Variants in PCDHGB1 observed in about 807,000 individuals in gnomAD.
PCDHGB1 encodes protocadherin gamma subfamily B, 1.
In PCDHGB1, 34 loss-of-function variants were observed where a neutral mutation model predicts 56.6. The ratio of observed to expected loss-of-function variants is 0.60; its 90% CI spans 0.46 to 0.80. The LOEUF is 0.80. PCDHGB1 is among the 30% of genes least tolerant of loss of function. PCDHGB1 has a pLI of 0.00. For missense variants in PCDHGB1, 1,278 were observed against 1,204.6 expected, an observed-to-expected ratio of 1.06 and a Z score of -0.90; for synonymous variants, 561 against 505.9, an observed-to-expected ratio of 1.11 and a Z score of -1.46.
intron 1 of PCDHGB1, chr5:141,415,979 C>T (rs2095978015): frequency 2.8e-6 from 1 of 351,190 alleles, no homozygotes; most frequent in Middle Eastern, 8.3e-4. Flanking sequence ...TTAAGCAACC[C>T]TCTTGTTCTG....
intron 1 of PCDHGB1, chr5:141,400,391 C>T (rs1468153713): frequency 1.2e-6 from 2 of 1,614,076 alleles, no homozygotes; most frequent in Non-Finnish European, 1.7e-6. Flanking sequence ...GTTGCACATA[C>T]AGGAAAGACG....
intron 1 of PCDHGB1, chr5:141,383,523 C>A (rs1337208290): frequency 1.2e-6 from 2 of 1,612,324 alleles, no homozygotes; most frequent in African/African-American, 2.7e-5. Flanking sequence ...AGCGGGTTCA[C>A]CACCTGGTCC....
At chr5:141,423,140 C>T (rs760216287) in intron 1 of PCDHGB1, 7 of 1,613,498 alleles carry the variant, frequency 4.3e-6, no homozygotes, top group Non-Finnish European at 2.5e-6. Flanking sequence ...GACAGAGACG[C>T]GCTCAAGCAG....
intron 1 of PCDHGB1, chr5:141,414,753 T>A: frequency 6.2e-7 from 1 of 1,614,202 alleles, no homozygotes; most frequent in Non-Finnish European, 8.5e-7. Flanking sequence ...CCTTCGACTA[T>A]GAGCAGTTTC....
In PCDHGB1 at chr5:141,352,422, G is replaced by C. The variant is rs191134866; in HGVS notation, c.2162G>C (p.Gly721Ala). Reference protein sequence around the residue: ...LRRSSSLDTEGCFQTGLCSKS... With the variant: ...LRRSSSLDTEACFQTGLCSKS... ...CGTTCCTCCAGCCTCGACACTGAGG[G>C]CTGCTTTCAAACCGGTCTCTGCTCC... The change falls in exon 1 of 4, where the codon GGC becomes GCC. Residue 721 changes from glycine to alanine, a missense_variant. Coordinates refer to ENST00000523390, the MANE Select transcript of PCDHGB1 (RefSeq NM_018922.3). 3 of 1,613,936 alleles carry C rather than the reference G, an allele frequency of 1.9e-6. No individual in the cohort carries two copies.
rs887814386 is a variant in PCDHGB1, at chr5:141,431,347, G to A, written c.2410-63460G>A. The A allele has an allele frequency of 1.9e-6, 3 of 1,614,098 alleles. No individual in the cohort carries two copies. The highest frequency in any genetic ancestry group is 2.5e-6 in the Non-Finnish European group (3 of 1,180,036). On this transcript the variant is annotated intron_variant, in intron 1 of 3. Coordinates refer to ENST00000523390, the MANE Select transcript of PCDHGB1 (RefSeq NM_018922.3). This position sits in a 1 kb window ranked among gnomAD's most constrained non-coding sequence, Gnocchi z 4.8. ...GTAGTAAGTACCCCGAATTGGTGCT[G>A]AAACGCGCCCTGGACCGCGAAGAAA...
chr5:141,475,577 T>C (rs2099365697), intron 1 of PCDHGB1, among the ~76,000 whole-genome samples: 1 of 152,228 alleles, frequency 6.6e-6, no homozygotes, highest in Non-Finnish European at 1.5e-5. Context: ...ACAAGCCAGA[T>C]TTGTTGGTGT....
chr5:141,455,093 T>C (rs2098812615), intron 1 of PCDHGB1, among the ~76,000 whole-genome samples: 1 of 152,060 alleles, frequency 6.6e-6, no homozygotes, highest in African/African-American at 2.4e-5. Context: ...ATTACAGGCT[T>C]GAGCCACTGC....
intron 1 of PCDHGB1, chr5:141,423,339 C>T (rs1393650718): frequency 6.2e-7 from 1 of 1,614,072 alleles, no homozygotes; most frequent in Non-Finnish European, 8.5e-7. Flanking sequence ...TCTCCTGCAT[C>T]TTCCTGGTCT....
At position 141,431,303 on chromosome 5, in the gene PCDHGB1, G is replaced by T. The variant is rs777784010; in HGVS notation, c.2410-63504G>T. The T allele has an allele frequency of 1.2e-6, 2 of 1,614,060 alleles. No homozygotes were observed. Among genetic ancestry groups the T allele is most frequent in the Non-Finnish European group, 1.7e-6 (2 of 1,180,038 alleles). On this transcript the variant is annotated intron_variant, in intron 1 of 3. Coordinates refer to ENST00000523390, the MANE Select transcript of PCDHGB1 (RefSeq NM_018922.3). The surrounding 1 kb of genome is among the most constrained non-coding windows in gnomAD (Gnocchi z 4.8). ...CCCGAACACTCACTTCTCCCTCATC[G>T]TGCAAAATGGAGCCGACGGTAGTAA...
At chr5:141,484,873 G>A (rs754469397) in intron 1 of PCDHGB1, 50 of 322,006 alleles carry the variant, frequency 1.6e-4, no homozygotes, top group Non-Finnish European at 2.5e-4. Flanking sequence ...GAGCGTGGAG[G>A]ATAGGGTGGG....
At position 141,350,652 on chromosome 5, in the gene PCDHGB1, T is replaced by G. The variant is rs755738484; in HGVS notation, c.392T>G (p.Val131Gly). ...QDINDNAPRF[V>G]AKGIDLEICE... is the part of the protein sequence containing the mutation. Reference sequence around the variant, plus strand: ...ATTAATGACAATGCACCACGTTTCGTTGCAAAAGGCATTGACTTAGAAATT... The same window carrying G: ...ATTAATGACAATGCACCACGTTTCGGTGCAAAAGGCATTGACTTAGAAATT... The change falls in exon 1 of 4, where the codon GTT becomes GGT. Residue 131 changes from valine (V) to glycine (G), a missense_variant. Coordinates refer to ENST00000523390, the MANE Select transcript of PCDHGB1 (RefSeq NM_018922.3). 4.3e-6 allele frequency: 7 copies of G among 1,614,044 alleles called. No homozygotes were observed. In the South Asian group the frequency reaches 6.6e-5, roughly 15 times the overall value.
At chr5:141,482,116 T>C (rs1017195289) in intron 1 of PCDHGB1, among the ~76,000 whole-genome samples, 4 of 150,222 alleles carry the variant, frequency 2.7e-5, no homozygotes, top group South Asian at 2.1e-4. Context: ...TATCTAGAGA[T>C]GGGAGAATCA....
rs1160156030 is a variant in PCDHGB1 at position 141,477,238 on chromosome 5, C to T, written c.2410-17569C>T. 20 of 1,614,094 alleles carry T rather than the reference C, an allele frequency of 1.2e-5. No individual in the cohort carries two copies. The highest frequency in any genetic ancestry group is 5.0e-5 in the Admixed American group (3 of 60,006). The stretch of plus-strand genomic sequence containing the variant: ...CTCTGGGGACTGTCATCGCTTTGCT[C>T]AGTGTGACTGACCTGGATGCTGGCG... On this transcript the variant is annotated intron_variant, in intron 1 of 3. Transcript: ENST00000523390. This position sits in a 1 kb window ranked among gnomAD's most constrained non-coding sequence, Gnocchi z 4.9.
intron 1 of PCDHGB1, chr5:141,410,854 T>C: frequency 2.6e-6 from 1 of 387,418 alleles, no homozygotes; most frequent in Non-Finnish European, 4.2e-6. Flanking sequence ...TTTGTCTTTT[T>C]TTTTTTTTTT....
At position 141,486,905 on chromosome 5, in the gene PCDHGB1, C is replaced by G. The variant is rs1463391292; in HGVS notation, c.2410-7902C>G. On this transcript the variant is annotated intron_variant, in intron 1 of 3. Coordinates refer to ENST00000523390, the MANE Select transcript of PCDHGB1 (RefSeq NM_018922.3). This position sits in a 1 kb window ranked among gnomAD's most constrained non-coding sequence, Gnocchi z 5.0. ...GGCCCGGCCTGGTTCCTTATGTCCC[C>G]AAGCACTGCCTCCATCAGTTGGTGC... 1 of 1,614,250 alleles carries G rather than the reference C, an allele frequency of 6.2e-7. No individual in the cohort carries two copies. The highest frequency in any genetic ancestry group is 1.3e-5 in the African/African-American group (1 of 75,066).
chr5:141,413,453 G>A lies in PCDHGB1; in HGVS notation c.2409+60784G>A, dbSNP rs761986113. 1.9e-5 allele frequency: 31 copies of A among 1,613,986 alleles called. 2 individuals carry two copies. In the South Asian group the frequency reaches 3.1e-4, roughly 16 times the overall value. On this transcript the variant is annotated intron_variant, in intron 1 of 3. Coordinates refer to ENST00000523390, the MANE Select transcript of PCDHGB1 (RefSeq NM_018922.3). ...AGCGGCAGCTTGATCACCGCGGGCA[G>A]GATAGACCGGGAGGAGCTCTGCGCT...
chr5:141,385,363 T>G lies in PCDHGB1; in HGVS notation c.2409+32694T>G, dbSNP rs533363868. The G allele has an allele frequency of 5.7e-5, 88 of 1,539,980 alleles. No individual in the cohort carries two copies. The South Asian group carries it at 1.1e-3, about 19-fold the overall frequency. The stretch of plus-strand genomic sequence containing the variant: ...TCCTTTATTTCCATGAGGAATTTAT[T>G]TGCATGATATTTCTCTATTATTTTG... On this transcript the variant is annotated intron_variant, in intron 1 of 3. Transcript: ENST00000523390.
intron 1 of PCDHGB1, 91 bp downstream of exon 1, chr5:141,352,760 C>A (rs1759103494): frequency 7.6e-7 from 1 of 1,314,650 alleles, no homozygotes; most frequent in South Asian, 1.4e-5. Context: ...CAGGCTGAGG[C>A]AGGTGGATCA....
Sources: gnomAD v4.1 joint callset for allele counts (sites outside exome capture counted in the v4.1 genomes callset) on GRCh38, gnomAD v4.1.1 for gene constraint, Gnocchi (gnomAD v3.1) non-coding constraint, MANE v1.5 for transcripts, NCBI Gene and HGNC (gene_info 2026-07-23, HGNC 2026-07-21) for gene names.